PPP4R3B: variants seen among roughly 807,000 people sequenced by gnomAD.
PPP4R3B encodes the protein serine/threonine-protein phosphatase 4 regulatory subunit 3B.
In PPP4R3B, 52 loss-of-function variants were observed where a neutral mutation model predicts 95.4. The ratio of observed to expected loss-of-function variants is 0.54; its 90% CI spans 0.44 to 0.69. PPP4R3B has a LOEUF of 0.69. Ranked by LOEUF, PPP4R3B falls within the 30% of genes least tolerant of loss-of-function variation. The probability of loss-of-function intolerance (pLI) is 0.00; values close to 1 mark genes in which losing one functional copy is unlikely to be tolerated. For synonymous variants in PPP4R3B, 407 were observed against 343.9 expected (o/e 1.18, Z -2.03); for missense variants, 1,003 against 1,005.9 (o/e 1.00, Z 0.04).
intron 2 of PPP4R3B, among the ~76,000 whole-genome samples, chr2:55,609,187 A>T (rs568934879): frequency 1.3e-4 from 19 of 151,376 alleles, no homozygotes; most frequent in South Asian, 8.3e-4. Flanking sequence ...TTTTTTTTTT[A>T]AAAGGCTGGA....
chr2:55,589,470 T>C (rs1451463741), intron 4 of PPP4R3B, among the ~76,000 whole-genome samples: 2 of 152,204 alleles, frequency 1.3e-5, no homozygotes, highest in Admixed American at 1.3e-4. Flanking sequence ...AACCAACTGG[T>C]GCACAGTTTT....
At chr2:55,578,435 G>T in intron 9 of PPP4R3B, 93 bp from the exon 10 acceptor site, 1 of 1,137,468 alleles carries the variant, frequency 8.8e-7, no homozygotes, top group Non-Finnish European at 1.1e-6. Flanking sequence ...CTGTAAGCTG[G>T]AAGTGTTTTA....
chr2:55,560,285 G>A (rs1015916744), intron 15 of PPP4R3B, among the ~76,000 whole-genome samples: 1 of 152,208 alleles, frequency 6.6e-6, no homozygotes, highest in African/African-American at 2.4e-5. Flanking sequence ...ACAGTGATAT[G>A]GACAATGAAG....
intron 4 of PPP4R3B, among the ~76,000 whole-genome samples, chr2:55,597,601 G>A (rs192024388): frequency 2.0e-5 from 3 of 148,730 alleles, no homozygotes; most frequent in South Asian, 2.1e-4. Context: ...CAGCCTGGGC[G>A]ACCGAGCAAG....
chr2:55,612,262 C>G (rs917553510), intron 2 of PPP4R3B, among the ~76,000 whole-genome samples: 1 of 152,078 alleles, frequency 6.6e-6, no homozygotes, highest in South Asian at 2.1e-4. Flanking sequence ...AATTTTAACT[C>G]CACTACTGAA....
At chr2:55,606,529 A>G (rs1012404418) in intron 2 of PPP4R3B, among the ~76,000 whole-genome samples, 1 of 151,944 alleles carries the variant, frequency 6.6e-6, no homozygotes, top group Non-Finnish European at 1.5e-5. Flanking sequence ...TTAATTAAAA[A>G]AAAAATTATT....
At chr2:55,554,531 A>T (rs967352927) in intron 16 of PPP4R3B, among the ~76,000 whole-genome samples, 3 of 152,218 alleles carry the variant, frequency 2.0e-5, no homozygotes, top group Admixed American at 2.0e-4. Context: ...CCACATGTTT[A>T]TATGGGCCAC....
chr2:55,586,555 CCATAA>C (rs1371969477), intron 6 of PPP4R3B, 58 bp downstream of exon 6: 17 of 887,112 alleles, frequency 1.9e-5, no homozygotes, highest in Middle Eastern at 3.2e-4. Context: ...ATTTTCCCAT[CCATAA>C]CATAAGTGTA....
chr2:55,610,669 C>A (rs1454577875), intron 2 of PPP4R3B, among the ~76,000 whole-genome samples: 2 of 152,158 alleles, frequency 1.3e-5, no homozygotes, highest in Admixed American at 6.6e-5. Context: ...CCTTTCTGTA[C>A]CTTTGTTGCC....
intron 2 of PPP4R3B, among the ~76,000 whole-genome samples, chr2:55,608,781 T>C (rs1490620529): frequency 2.6e-5 from 4 of 152,114 alleles, no homozygotes; most frequent in Non-Finnish European, 2.9e-5. Context: ...CGCAGGAGTT[T>C]GAAACCAGCC....
At chr2:55,550,748 C>T (rs1394092377) in intron 16 of PPP4R3B, among the ~76,000 whole-genome samples, 1 of 152,090 alleles carries the variant, frequency 6.6e-6, no homozygotes, top group African/African-American at 2.4e-5. Flanking sequence ...CCCTTCAGAC[C>T]TCTAGGAGAT....
chr2:55,603,791 CAA>C (rs1314214652), intron 3 of PPP4R3B, among the ~76,000 whole-genome samples, 185 bp downstream of exon 3: 2 of 152,064 alleles, frequency 1.3e-5, no homozygotes, highest in Non-Finnish European at 2.9e-5. Context: ...AAAAGTATGA[CAA>C]AGTTGTTTTT....
intron 1 of PPP4R3B, among the ~76,000 whole-genome samples, chr2:55,616,834 G>A (rs1307402765): frequency 6.6e-6 from 1 of 152,048 alleles, no homozygotes; most frequent in Non-Finnish European, 1.5e-5. Flanking sequence ...AGCTCCTAGG[G>A]CGACATCAGT....
chr2:55,560,778 GAAAAAAAAAAAAAAAAAAAA>G (rs545517387), intron 15 of PPP4R3B, among the ~76,000 whole-genome samples: 2 of 91,420 alleles, frequency 2.2e-5, no homozygotes, highest in Non-Finnish European at 4.0e-5. Flanking sequence ...CTCCATCTCA[GAAAAAAAAAAAAAAAAAAAA>G]AAAAAAAAAA....
At position 55,549,779 on chromosome 2, in the gene PPP4R3B, G is replaced by A; in HGVS notation, c.*132C>T. The A allele has an allele frequency of 4.2e-6, 3 of 711,838 alleles. No individual in the cohort carries two copies. The highest frequency in any genetic ancestry group is 7.3e-6 in the Non-Finnish European group (3 of 410,354). The allele number at this position is 711,838 out of a possible 1,614,324, so 44.1% of individuals were successfully genotyped here. A position where few individuals can be genotyped will look rare whatever the true frequency, so the allele number is the denominator to read the frequency against. The stretch of plus-strand genomic sequence containing the variant: ...TTATTAGAACTAAACTCTCTTAGCT[G>A]ATATACTGTCTTTTGCTACTCCTTG... On this transcript the variant is annotated 3_prime_UTR_variant, in exon 17 of 17. Coordinates refer to ENST00000616407, the MANE Select transcript of PPP4R3B (RefSeq NM_001122964.3).
intron 14 of PPP4R3B, 47 bp downstream of exon 14, chr2:55,564,855 T>A: frequency 1.9e-6 from 3 of 1,577,994 alleles, no homozygotes; most frequent in Non-Finnish European, 2.6e-6. Context: ...ACAAACAATT[T>A]TGGACACAGT....
At chr2:55,557,024 C>G (rs1685931411) in intron 16 of PPP4R3B, among the ~76,000 whole-genome samples, 1 of 152,192 alleles carries the variant, frequency 6.6e-6, no homozygotes, top group South Asian at 2.1e-4. Flanking sequence ...GATCACACCA[C>G]TGCACTCCAG....
At chr2:55,580,362 C>A (rs1178710271) in intron 8 of PPP4R3B, among the ~76,000 whole-genome samples, 2 of 152,122 alleles carry the variant, frequency 1.3e-5, no homozygotes, top group Admixed American at 1.3e-4. Flanking sequence ...TCTCTCTCTG[C>A]AGTGTATTGA....
intron 15 of PPP4R3B, among the ~76,000 whole-genome samples, chr2:55,560,510 G>A (rs1686447095): frequency 6.6e-6 from 1 of 152,172 alleles, no homozygotes; most frequent in Non-Finnish European, 1.5e-5. Context: ...TGGGCACAGT[G>A]GCTCATGCCT....
Sources: gnomAD v4.1 joint callset for allele counts (sites outside exome capture counted in the v4.1 genomes callset) on GRCh38, gnomAD v4.1.1 for gene constraint, MANE v1.5 for transcripts, NCBI Gene and HGNC (gene_info 2026-07-23, HGNC 2026-07-21) for gene names.